ZNF701: variants seen among roughly 807,000 people sequenced by gnomAD.
ZNF701 encodes zinc finger protein 701.
A neutral mutation model predicts 7.1 loss-of-function variants in ZNF701; 6 were observed. That is an observed-to-expected ratio of 0.84 (90% CI 0.46 to 1.66). ZNF701 has a LOEUF of 1.66. ZNF701 is among the 40% of genes most tolerant of loss of function. The probability of loss-of-function intolerance (pLI) is 0.01; values close to 1 mark genes in which losing one functional copy is unlikely to be tolerated. For synonymous variants in ZNF701, 166 were observed against 188.2 expected (o/e 0.88, Z 0.97); for missense variants, 541 against 559.2 (o/e 0.97, Z 0.33).
the ZNF701 span, among the ~76,000 whole-genome samples, chr19:52,594,577 G>A: frequency 7.9e-5 from 12 of 151,536 alleles, no homozygotes; most frequent in Admixed American, 4.0e-4. Flanking sequence ...GCAATGGTGC[G>A]ATCTCGGCTC....
Position 52,582,874 on chromosome 19 carries a change from G to GTAA in ZNF701, c.817_819dup (p.Asn273dup), listed in dbSNP as rs2059985170. The GTAA allele has an allele frequency of 3.1e-6, 5 of 1,613,192 alleles. No individual in the cohort carries two copies. In the East Asian group the frequency reaches 1.1e-4, roughly 36 times the overall value. On this transcript the variant is annotated inframe_insertion, in exon 4 of 4. Coordinates refer to ENST00000391785, the MANE Select transcript of ZNF701 (RefSeq NM_018260.3). ...CACACTGGTGAGAATCCTTACACGT[G>GTAA]TAATGAGTGTGGCAAGACATTCAGT...
At chr19:52,587,435 C>T (rs539404193), downstream of ZNF701, among the ~76,000 whole-genome samples, 3 of 152,286 alleles carry the variant, frequency 2.0e-5, no homozygotes, top group South Asian at 6.2e-4. Context: ...TGGGCTGTCC[C>T]TCTGCCTAGG....
At chr19:52,576,309 G>A (rs1265037395) in intron 3 of ZNF701, among the ~76,000 whole-genome samples, 1 of 152,136 alleles carries the variant, frequency 6.6e-6, no homozygotes, top group African/African-American at 2.4e-5. Context: ...GGGAGGCTGA[G>A]GCGTGTGGAT....
At chr19:52,581,159 CAA>C (rs926720422) in intron 3 of ZNF701, among the ~76,000 whole-genome samples, 1 of 152,138 alleles carries the variant, frequency 6.6e-6, no homozygotes, top group African/African-American at 2.4e-5. Context: ...AAAAAAGTCA[CAA>C]AGTGCCTGTT....
chr19:52,587,698 G>A (rs147217514), downstream of ZNF701, among the ~76,000 whole-genome samples: 1 of 152,182 alleles, frequency 6.6e-6, no homozygotes, highest in Admixed American at 6.6e-5. Context: ...GGGCTGTGCT[G>A]GGCTGGCGCC....
rs886362818 is a variant in ZNF701, at chr19:52,584,056, A to T, written c.*599A>T. ...AAACCTCACAAGTGTGATGATTGTG[A>T]GCAAAGCCTTTACTTCACGTTCACA... On this transcript the variant is annotated 3_prime_UTR_variant, in exon 4 of 4. Coordinates refer to ENST00000391785, the MANE Select transcript of ZNF701 (RefSeq NM_018260.3). 1 of 453,280 alleles carries T rather than the reference A, an allele frequency of 2.2e-6. No individual in the cohort carries two copies. The highest frequency in any genetic ancestry group is 4.5e-6 in the Non-Finnish European group (1 of 221,018). The allele number at this position is 453,280 out of a possible 1,614,324, so 28.1% of individuals were successfully genotyped here. A position where few individuals can be genotyped will look rare whatever the true frequency, so the allele number is the denominator to read the frequency against.
At chr19:52,595,143 G>A in the ZNF701 span, among the ~76,000 whole-genome samples, 11 of 152,056 alleles carry the variant, frequency 7.2e-5, no homozygotes, top group Non-Finnish European at 1.5e-4. Context: ...CACCATGCCT[G>A]GCAAATTTTT....
rs10412717 is a variant in ZNF701, at chr19:52,576,314, G to A, written c.142+293G>A. Among the ~76,000 whole-genome samples the A allele has an allele frequency of 4.1e-4, 63 of 152,154 alleles. 1 individual carries two copies. Among genetic ancestry groups the A allele is most frequent in the African/African-American group, 1.4e-3 (60 of 41,436 alleles). ...ACAGCACTTTGGGAGGCTGAGGCGT[G>A]TGGATCACTTCAGGTCAGGAGTTCA... On this transcript the variant is annotated intron_variant, in intron 3 of 3. Transcript: ENST00000391785.
At chr19:52,588,575 A>G, downstream of ZNF701, 1 of 403,268 alleles carries the variant, frequency 2.5e-6, no homozygotes, top group South Asian at 2.1e-5. Context: ...AGCCACCAAG[A>G]AGGGCAAAGA....
intron 3 of ZNF701, among the ~76,000 whole-genome samples, chr19:52,579,866 T>TCC (rs1351632565): frequency 2.6e-5 from 3 of 115,832 alleles, no homozygotes; most frequent in Non-Finnish European, 5.3e-5. Context: ...AGAGTGAGAC[T>TCC]CCATCTCAAA....
At chr19:52,597,609 A>C in the ZNF701 span, 10 of 359,364 alleles carry the variant, frequency 2.8e-5, no homozygotes, top group Admixed American at 3.4e-4. Context: ...TGGGAGCCCA[A>C]GGCTGATAGA....
chr19:52,570,570 A>G (rs2059891096), intron 1 of ZNF701: 1 of 152,184 alleles, frequency 6.6e-6, no homozygotes, highest in African/African-American at 2.4e-5. Context: ...CCTATCGCGT[A>G]GTTTCTGTGC....
At chr19:52,576,058 C>G (rs777222664) in intron 3 of ZNF701, 37 bp downstream of exon 3, 8 of 1,602,114 alleles carry the variant, frequency 5.0e-6, no homozygotes, top group South Asian at 3.4e-5. Flanking sequence ...GGGATGTGCC[C>G]TTGTGGATCT....
chr19:52,598,349 T>A, the ZNF701 span, among the ~76,000 whole-genome samples: 1 of 152,164 alleles, frequency 6.6e-6, no homozygotes, highest in Non-Finnish European at 1.5e-5. Flanking sequence ...ATGGTTTTAA[T>A]GCAAAGCGCC....
the ZNF701 span, among the ~76,000 whole-genome samples, chr19:52,593,169 A>T: frequency 2.5e-5 from 3 of 118,038 alleles, no homozygotes; most frequent in African/African-American, 9.8e-5. Context: ...AAAGTCTCCC[A>T]TGTCTACCTC....
chr19:52,593,426 C>T, the ZNF701 span, among the ~76,000 whole-genome samples: 2 of 111,666 alleles, frequency 1.8e-5, 1 homozygote, highest in Admixed American at 1.8e-4. Context: ...CCCCACCTCC[C>T]TCCCGGAGGG....
the ZNF701 span, among the ~76,000 whole-genome samples, chr19:52,592,533 T>C: frequency 2.6e-4 from 40 of 152,162 alleles, no homozygotes; most frequent in Admixed American, 6.5e-5. Context: ...GCCCAGGATA[T>C]GAGATAGAAA....
the ZNF701 span, among the ~76,000 whole-genome samples, chr19:52,599,150 C>T: frequency 6.6e-6 from 1 of 151,928 alleles, no homozygotes; most frequent in East Asian, 1.9e-4. Flanking sequence ...GCCTCAGCTT[C>T]CCGAGTAGCT....
chr19:52,593,361 C>T, the ZNF701 span, among the ~76,000 whole-genome samples: 2 of 114,144 alleles, frequency 1.8e-5, no homozygotes, highest in African/African-American at 3.4e-5. Flanking sequence ...CGCGGCCGGG[C>T]AGAGGCGCCC....
Sources: allele counts gnomAD v4.1 joint callset (sites outside exome capture counted in the v4.1 genomes callset), GRCh38; gene constraint gnomAD v4.1.1; transcripts MANE v1.5; gene names NCBI Gene and HGNC (gene_info 2026-07-23, HGNC 2026-07-21).